The following RERE variants were observed in gnomAD, a reference collection of about 807,000 sequenced individuals.
The protein encoded by RERE is arginine-glutamic acid dipeptide repeats protein.
RERE carries 40 observed loss-of-function variants against 146.1 expected under a neutral mutation model. The ratio of observed to expected loss-of-function variants is 0.27; its 90% CI spans 0.21 to 0.36. RERE has a LOEUF of 0.36. RERE is among the 10% of genes least tolerant of loss of function. The pLI, the probability that RERE is intolerant of heterozygous loss-of-function variation, is 1.00. For synonymous variants in RERE, 1,003 were observed against 866.0 expected (o/e 1.16, Z -2.78); for missense variants, 1,933 against 2,138.7 (o/e 0.90, Z 1.90).
chr1:8,437,285 C>T (rs564825085), intron 11 of RERE, among the ~76,000 whole-genome samples: 2 of 151,940 alleles, frequency 1.3e-5, no homozygotes, highest in South Asian at 2.1e-4. Context: ...TCATTTGACT[C>T]GGTTCATTTA....
Position 8,732,808 on chromosome 1 carries a change from CTTTTTTTT to C in RERE, c.-144-76375_-144-76368del, listed in dbSNP as rs59337140. Among the ~76,000 whole-genome samples the C allele has an allele frequency of 4.6e-3, 305 of 65,742 alleles. 4 individuals carry two copies. The highest frequency in any genetic ancestry group is 0.016 in the Middle Eastern group (1 of 64). 43.1% of individuals were successfully genotyped at this position (65,742 alleles called of 152,430 possible). On this transcript the variant is annotated intron_variant, in intron 1 of 22. Transcript: ENST00000400908. ...ACTATCTGCCCAATTTTCAATTTTTCTTTTTTTTTTTTTTTTTTTTTTTTTTTGGTTTA... is the reference window on the plus strand; with the variant it reads ...ACTATCTGCCCAATTTTCAATTTTTCTTTTTTTTTTTTTTTTTTTGGTTTA...
At chr1:8,398,607 T>C (rs1259204796) in intron 12 of RERE, among the ~76,000 whole-genome samples, 1 of 152,230 alleles carries the variant, frequency 6.6e-6, no homozygotes, top group Non-Finnish European at 1.5e-5. Context: ...TCATGCGTAT[T>C]TATGTTTTGA....
intron 1 of RERE, among the ~76,000 whole-genome samples, chr1:8,769,945 C>G (rs1376894998): frequency 6.6e-6 from 1 of 152,100 alleles, no homozygotes; most frequent in Non-Finnish European, 1.5e-5. Flanking sequence ...CACACCACTG[C>G]ACCTGGCTAA....
chr1:8,728,035 C>A (rs542680193), intron 1 of RERE, among the ~76,000 whole-genome samples: 1 of 152,344 alleles, frequency 6.6e-6, no homozygotes, highest in African/African-American at 2.4e-5. Context: ...GCAGCCAACG[C>A]TCCCCAGAGG....
intron 12 of RERE, among the ~76,000 whole-genome samples, chr1:8,388,380 C>T (rs1002561274): frequency 6.6e-6 from 1 of 150,774 alleles, no homozygotes; most frequent in Non-Finnish European, 1.5e-5. Flanking sequence ...ACTGCAGTGG[C>T]GCAATCTCGG....
chr1:8,558,729 G>C (rs1234657488), intron 4 of RERE, among the ~76,000 whole-genome samples: 1 of 150,590 alleles, frequency 6.6e-6, no homozygotes, highest in Non-Finnish European at 1.5e-5. Flanking sequence ...GAATCAGAAA[G>C]ATGACAATTG....
intron 11 of RERE, among the ~76,000 whole-genome samples, chr1:8,454,900 G>C (rs1644434442): frequency 6.6e-6 from 1 of 151,956 alleles, no homozygotes; most frequent in South Asian, 2.1e-4. Flanking sequence ...AGGCCACACA[G>C]GTGGCAGCCA....
At chr1:8,784,073 GTA>G (rs1251772922) in intron 1 of RERE, among the ~76,000 whole-genome samples, 1 of 152,210 alleles carries the variant, frequency 6.6e-6, no homozygotes, top group Non-Finnish European at 1.5e-5. Flanking sequence ...GCATGTGCTT[GTA>G]ATGGCAGCCC....
At chr1:8,740,239 T>C (rs1640281953) in intron 1 of RERE, among the ~76,000 whole-genome samples, 1 of 152,228 alleles carries the variant, frequency 6.6e-6, no homozygotes, top group Admixed American at 6.5e-5. Context: ...CCCTATAGCC[T>C]ACTGCTCCTA....
chr1:8,579,256 TC>T (rs1553188084), intron 4 of RERE, among the ~76,000 whole-genome samples: 1 of 132,210 alleles, frequency 7.6e-6, no homozygotes, highest in Admixed American at 7.0e-5. Context: ...ACGTTCCTAA[TC>T]CTCTGTGTTC....
At chr1:8,461,601 G>A (rs1429179964) in intron 11 of RERE, among the ~76,000 whole-genome samples, 1 of 152,150 alleles carries the variant, frequency 6.6e-6, no homozygotes, top group Non-Finnish European at 1.5e-5. Context: ...AAGTGTCTCA[G>A]CCCCAAAGCA....
chr1:8,811,723 G>T (rs905981231), intron 1 of RERE, among the ~76,000 whole-genome samples: 1 of 152,222 alleles, frequency 6.6e-6, no homozygotes, highest in East Asian at 1.9e-4. Context: ...GGTTTTTGTA[G>T]GAGGAGCTCT....
In RERE at chr1:8,594,583, A is replaced by G. The variant is rs76545421; in HGVS notation, c.522+19978T>C. Among the ~76,000 whole-genome samples the G allele has an allele frequency of 5.2e-3, 790 of 152,332 alleles. 38 individuals are homozygous for G. In the East Asian group the frequency reaches 0.13, roughly 25 times the overall value. On this transcript the variant is annotated intron_variant, in intron 4 of 22. Coordinates refer to ENST00000400908, the MANE Select transcript of RERE (RefSeq NM_001042681.2). ...TATAGCAAGTGAACTATGAGCAAAT[A>G]CTACAATATAGTCTCAACATTTGAG... is the stretch of plus-strand genomic sequence containing the variant.
chr1:8,450,692 T>C (rs1372725873), intron 11 of RERE, among the ~76,000 whole-genome samples: 1 of 152,178 alleles, frequency 6.6e-6, no homozygotes, highest in African/African-American at 2.4e-5. Flanking sequence ...AGAAGTTGTT[T>C]TGTCAACAGT....
At chr1:8,379,464 G>C (rs1404570838) in intron 12 of RERE, among the ~76,000 whole-genome samples, 3 of 152,160 alleles carry the variant, frequency 2.0e-5, no homozygotes, top group Admixed American at 2.0e-4. Context: ...CACTGCAGTT[G>C]AGAAAACACA....
chr1:8,401,905 C>T (rs781183994), intron 12 of RERE, among the ~76,000 whole-genome samples: 12 of 151,928 alleles, frequency 7.9e-5, no homozygotes, highest in Non-Finnish European at 1.8e-4. Flanking sequence ...CTTGCTCTGT[C>T]GCCAGGCTGG....
chr1:8,806,843 A>G (rs898715195), intron 1 of RERE: 1 of 152,202 alleles, frequency 6.6e-6, no homozygotes, highest in Non-Finnish European at 1.5e-5. Flanking sequence ...TGAGAGTACA[A>G]TGTGACTAGA....
At chr1:8,751,949 T>G (rs571340144) in intron 1 of RERE, among the ~76,000 whole-genome samples, 322 of 64,848 alleles carry the variant, frequency 5.0e-3, no homozygotes, top group Non-Finnish European at 3.6e-3. Flanking sequence ...GTTTTAAGAT[T>G]GCAAAAAAAA....
intron 11 of RERE, chr1:8,465,410 A>T: frequency 3.7e-6 from 1 of 267,910 alleles, no homozygotes; most frequent in South Asian, 4.0e-5. Context: ...CACCAAGCCA[A>T]GCATGGTAGA....
Sources: allele counts gnomAD v4.1 joint callset (sites outside exome capture counted in the v4.1 genomes callset), GRCh38; gene constraint gnomAD v4.1.1; transcripts MANE v1.5; gene names NCBI Gene and HGNC (gene_info 2026-07-23, HGNC 2026-07-21).